The following PTPN3 variants were observed in gnomAD, a reference collection of about 807,000 sequenced individuals.
PTPN3 encodes tyrosine-protein phosphatase non-receptor type 3.
Under a neutral mutation model 132.7 loss-of-function variants are expected in PTPN3, and 96 were observed. The ratio of observed to expected loss-of-function variants is 0.72; its 90% confidence interval spans 0.61 to 0.86. The LOEUF is 0.86. Ranked by LOEUF, PTPN3 falls within the 40% of genes least tolerant of loss-of-function variation. The pLI is 0.00. For synonymous variants in PTPN3, 398 were observed against 429.0 expected, an observed-to-expected ratio of 0.93 and a Z score of 0.89; for missense variants, 1,125 against 1,159.6, an observed-to-expected ratio of 0.97 and a Z score of 0.43.
At chr9:109,417,532 G>GTT (rs34687094) in intron 14 of PTPN3, 16,114 of 795,842 alleles carry the variant, frequency 0.02, no homozygotes, top group Non-Finnish European at 0.023. Flanking sequence ...TAACCAACAG[G>GTT]TTTTTTTTTT....
At chr9:109,417,243 G>C (rs900436005) in intron 14 of PTPN3, among the ~76,000 whole-genome samples, 28 of 152,242 alleles carry the variant, frequency 1.8e-4, no homozygotes, top group Admixed American at 1.3e-3. Flanking sequence ...AAACCAGCAA[G>C]TGACTCATCC....
intron 19 of PTPN3, among the ~76,000 whole-genome samples, chr9:109,397,274 C>T (rs1840680913): frequency 6.6e-6 from 1 of 152,174 alleles, no homozygotes; most frequent in African/African-American, 2.4e-5. Context: ...TACCACAAAC[C>T]CCAGACCAGC....
At chr9:109,478,620 C>G (rs538552337) in intron 1 of PTPN3, among the ~76,000 whole-genome samples, 1 of 152,318 alleles carries the variant, frequency 6.6e-6, no homozygotes, top group Non-Finnish European at 1.5e-5. Flanking sequence ...GCTGGGCCAC[C>G]ACCTAGAGGA....
chr9:109,533,495 C>T, the PTPN3 span: 2 of 1,596,288 alleles, frequency 1.3e-6, no homozygotes, highest in Non-Finnish European at 1.7e-6. Context: ...GCGGTACCGA[C>T]GTTGAGGTGG....
At chr9:109,503,201 C>T (rs780591462), upstream of PTPN3, among the ~76,000 whole-genome samples, 5 of 152,046 alleles carry the variant, frequency 3.3e-5, no homozygotes, top group Non-Finnish European at 5.9e-5. Flanking sequence ...CCCTGCCTAC[C>T]GACAAAGAGT....
At chr9:109,391,792 G>A (rs544801504) in intron 19 of PTPN3, among the ~76,000 whole-genome samples, 13 of 134,790 alleles carry the variant, frequency 9.6e-5, no homozygotes, top group Middle Eastern at 4.8e-3. Flanking sequence ...AAGGGTCTGG[G>A]TCTCAGGTAA....
intron 7 of PTPN3, among the ~76,000 whole-genome samples, chr9:109,442,372 A>G (rs1844547023): frequency 6.6e-6 from 1 of 152,174 alleles, no homozygotes; most frequent in Admixed American, 6.5e-5. Context: ...AAAGAAATGT[A>G]TGCTCTGCAA....
the PTPN3 span, among the ~76,000 whole-genome samples, chr9:109,524,369 A>AACTTCCCCCC: frequency 1.4e-5 from 1 of 70,998 alleles, no homozygotes; most frequent in Admixed American, 1.6e-4. Context: ...TGAAGGAGGT[A>AACTTCCCCCC]CTATTATTCC....
At chr9:109,470,302 A>G in intron 1 of PTPN3, among the ~76,000 whole-genome samples, 1 of 152,170 alleles carries the variant, frequency 6.6e-6, no homozygotes, top group East Asian at 1.9e-4. Flanking sequence ...TGTGGTATCG[A>G]GTTCTTTGTG....
chr9:109,495,052 G>T (rs1847616906), intron 1 of PTPN3, among the ~76,000 whole-genome samples: 1 of 152,182 alleles, frequency 6.6e-6, no homozygotes, highest in African/African-American at 2.4e-5. Context: ...CCAGAGGAAA[G>T]AAGACATCTA....
At position 109,404,537 on chromosome 9, in the gene PTPN3, T is replaced by C; in HGVS notation, c.1864A>G (p.Met622Val). ...AAAGTGTCCCCACCCTCCGGACACA[T>C]GGGGAAAATGGCTTCGGGGAAAAGC... ...NQLFPEAIFP[M>V]CPEGGDTLEG... Residue 622 changes from methionine (M) to valine (V), a missense_variant, in exon 19 of 26, where the codon ATG becomes GTG. Transcript: ENST00000374541. The C allele has an allele frequency of 2.5e-6, 4 of 1,569,514 alleles. No individual in the cohort carries two copies. The highest frequency in any genetic ancestry group is 2.6e-6 in the Non-Finnish European group (3 of 1,151,364).
rs775757603 is a variant in PTPN3 at position 109,422,769 on chromosome 9, T to G, written c.1085A>C (p.His362Pro). The G allele has an allele frequency of 8.1e-6, 13 of 1,611,124 alleles. No individual in the cohort carries two copies. Among genetic ancestry groups the G allele is most frequent in the Admixed American group, 3.3e-5 (2 of 59,972 alleles). The stretch of plus-strand genomic sequence containing the variant: ...AGAAGGCAGACTCTTGGTTTCTAAG[T>G]GCTCCACTGATAAGGATCTCCGCAT... ...PAMRRSLSVE[H>P]LETKSLPSRS... Residue 362 changes from histidine to proline, a missense_variant, in exon 13 of 26, where the codon CAC (histidine) becomes CCC (proline). Transcript: ENST00000374541.
At chr9:109,520,052 AG>A in the PTPN3 span, among the ~76,000 whole-genome samples, 1 of 151,868 alleles carries the variant, frequency 6.6e-6, no homozygotes, top group Non-Finnish European at 1.5e-5. Flanking sequence ...GCAGCTACTC[AG>A]GAGGCTGAGG....
At chr9:109,534,964 A>T in the PTPN3 span, among the ~76,000 whole-genome samples, 1 of 152,238 alleles carries the variant, frequency 6.6e-6, no homozygotes, top group African/African-American at 2.4e-5. Context: ...TGCTCTAATA[A>T]AAAGCAGGCT....
chr9:109,500,894 C>T (rs1224991599), upstream of PTPN3, among the ~76,000 whole-genome samples: 9 of 146,432 alleles, frequency 6.1e-5, no homozygotes, highest in Admixed American at 3.5e-4. Flanking sequence ...ACCATTTGTA[C>T]TTCAGCCTGT....
At chr9:109,425,160 T>A (rs1271250805) in intron 12 of PTPN3, among the ~76,000 whole-genome samples, 1 of 152,194 alleles carries the variant, frequency 6.6e-6, no homozygotes, top group Non-Finnish European at 1.5e-5. Context: ...AAACTTAATA[T>A]ATTCACTCTT....
intron 7 of PTPN3, among the ~76,000 whole-genome samples, chr9:109,440,034 C>T (rs1013283071): frequency 6.6e-6 from 1 of 152,206 alleles, no homozygotes; most frequent in Non-Finnish European, 1.5e-5. Flanking sequence ...GATCTGTTTC[C>T]TTCCTACACT....
At chr9:109,450,283 A>C in intron 5 of PTPN3, 4 of 985,404 alleles carry the variant, frequency 4.1e-6, no homozygotes, top group Non-Finnish European at 4.8e-6. Context: ...ACCTAGGAGA[A>C]CATCATCAGT....
At chr9:109,410,150 A>G in intron 15 of PTPN3, 74 bp from the exon 16 acceptor site, 1 of 1,613,078 alleles carries the variant, frequency 6.2e-7, no homozygotes, top group African/African-American at 1.3e-5. Context: ...ATTTTCATTT[A>G]GTTAGAGCTA....
Sources: allele counts gnomAD v4.1 joint callset (sites outside exome capture counted in the v4.1 genomes callset), GRCh38; gene constraint gnomAD v4.1.1; transcripts MANE v1.5; gene names NCBI Gene and HGNC (gene_info 2026-07-23, HGNC 2026-07-21).